STARD13: variants seen among roughly 807,000 people sequenced by gnomAD.
STARD13 encodes the protein StAR related lipid transfer domain containing 13.
Under a neutral mutation model 106.4 loss-of-function variants are expected in STARD13, and 62 were observed. The ratio of observed to expected loss-of-function variants is 0.58; its 90% confidence interval spans 0.48 to 0.72. The LOEUF is 0.72. STARD13 is among the 30% of genes least tolerant of loss of function. The probability of loss-of-function intolerance (pLI) is 0.00; values close to 1 mark genes in which losing one functional copy is unlikely to be tolerated. For synonymous variants in STARD13, 565 were observed against 553.0 expected (o/e 1.02, Z -0.31); for missense variants, 1,387 against 1,424.0 (o/e 0.97, Z 0.42).
At chr13:33,607,860 A>G in the STARD13 span, among the ~76,000 whole-genome samples, 2 of 152,220 alleles carry the variant, frequency 1.3e-5, no homozygotes, top group African/African-American at 4.8e-5. Flanking sequence ...GTTAATAATA[A>G]AATCTAAAAG....
the STARD13 span, among the ~76,000 whole-genome samples, chr13:33,537,208 G>A: frequency 6.6e-6 from 1 of 152,182 alleles, no homozygotes; most frequent in Non-Finnish European, 1.5e-5. Flanking sequence ...TTGGTTTTGC[G>A]TCCTAGTGCA....
At chr13:33,547,346 A>C in the STARD13 span, among the ~76,000 whole-genome samples, 2 of 152,312 alleles carry the variant, frequency 1.3e-5, no homozygotes, top group East Asian at 1.9e-4. Flanking sequence ...ACGTTTCCCC[A>C]ATGAACATTC....
chr13:33,549,818 T>C, the STARD13 span, among the ~76,000 whole-genome samples: 5 of 152,182 alleles, frequency 3.3e-5, no homozygotes, highest in African/African-American at 9.6e-5. Flanking sequence ...TATAGAAACC[T>C]TCAAAGTCAC....
At chr13:33,210,588 T>G (rs544800591) in intron 1 of STARD13, among the ~76,000 whole-genome samples, 1 of 152,184 alleles carries the variant, frequency 6.6e-6, no homozygotes, top group Admixed American at 6.5e-5. Context: ...ATTCCATAGT[T>G]AGAATGGAAT....
chr13:33,340,432 T>C (rs945219011), intron 1 of STARD13, among the ~76,000 whole-genome samples: 1 of 108,242 alleles, frequency 9.2e-6, no homozygotes, highest in Non-Finnish European at 1.8e-5. Flanking sequence ...AAAAACACTT[T>C]CAAAGATGCT....
chr13:33,526,610 G>T, the STARD13 span, among the ~76,000 whole-genome samples: 2 of 152,030 alleles, frequency 1.3e-5, no homozygotes, highest in Non-Finnish European at 2.9e-5. Context: ...TCAAAGCCAG[G>T]CTCTGACACT....
the STARD13 span, among the ~76,000 whole-genome samples, chr13:33,665,519 A>G: frequency 1.9e-3 from 292 of 152,322 alleles, 2 homozygotes; most frequent in African/African-American, 6.6e-3. Context: ...AAATGACAGC[A>G]ATATTTTCTT....
intron 1 of STARD13, among the ~76,000 whole-genome samples, chr13:33,343,593 A>AAAAG (rs1566150526): frequency 1.1e-5 from 1 of 93,772 alleles, no homozygotes; most frequent in African/African-American, 4.6e-5. Context: ...AAAAAAAAAA[A>AAAAG]AAAACAAATC....
Position 33,109,867 on chromosome 13 carries a change from G to C in STARD13, c.3047+6C>G. On this transcript the variant is annotated splice_donor_region_variant and intron_variant, in intron 12 of 13. Transcript: ENST00000336934. ...AGAACATCATAAACCCTAGAGTCAGGCTCACCTGAGAACCACAAAGTCTCT... is the reference window on the plus strand; with the variant it reads ...AGAACATCATAAACCCTAGAGTCAGCCTCACCTGAGAACCACAAAGTCTCT... The C allele has an allele frequency of 6.2e-7, 1 of 1,613,788 alleles. No individual in the cohort carries two copies. Among genetic ancestry groups the C allele is most frequent in the Non-Finnish European group, 8.5e-7 (1 of 1,179,670 alleles).
intron 1 of STARD13, among the ~76,000 whole-genome samples, chr13:33,203,699 A>T (rs1401567108): frequency 1.3e-5 from 2 of 152,272 alleles, no homozygotes; most frequent in Non-Finnish European, 2.9e-5. Context: ...AGAGAAAAAA[A>T]ATAGATGCAA....
At chr13:33,349,184 T>G in exon 2 of STARD13, 1 of 702,374 alleles carries the variant, frequency 1.4e-6, no homozygotes, top group Non-Finnish European at 2.6e-6. Flanking sequence ...TTCTGCCCCA[T>G]GTGGTGGTCA....
chr13:33,629,096 C>T, the STARD13 span, among the ~76,000 whole-genome samples: 3 of 152,318 alleles, frequency 2.0e-5, no homozygotes, highest in South Asian at 6.2e-4. Context: ...GACAGCTCTA[C>T]TTCTTGTATG....
intron 1 of STARD13, among the ~76,000 whole-genome samples, chr13:33,194,504 G>A (rs1200776429): frequency 6.6e-6 from 1 of 152,004 alleles, no homozygotes; most frequent in African/African-American, 2.4e-5. Context: ...AGGTTAATCA[G>A]CATTTGTTTT....
intron 3 of STARD13, among the ~76,000 whole-genome samples, chr13:33,145,284 CA>C (rs1278438320): frequency 6.6e-6 from 1 of 152,116 alleles, no homozygotes; most frequent in African/African-American, 2.4e-5. Flanking sequence ...GAAAGAAATG[CA>C]AATTAAAATC....
At chr13:33,297,072 A>G (rs2138449808) in intron 1 of STARD13, among the ~76,000 whole-genome samples, 1 of 152,286 alleles carries the variant, frequency 6.6e-6, no homozygotes, top group Middle Eastern at 3.4e-3. Flanking sequence ...TTCCCATTAG[A>G]GAATATGTGT....
the STARD13 span, among the ~76,000 whole-genome samples, chr13:33,587,461 C>A: frequency 6.6e-6 from 1 of 152,206 alleles, no homozygotes; most frequent in Non-Finnish European, 1.5e-5. Context: ...TCATCAAATT[C>A]CTTATAAACA....
At chr13:33,343,038 C>G (rs1435485608) in intron 1 of STARD13, among the ~76,000 whole-genome samples, 3 of 152,140 alleles carry the variant, frequency 2.0e-5, no homozygotes, top group Non-Finnish European at 2.9e-5. Context: ...ATCTCTGGCT[C>G]TGACTTTCCT....
At chr13:33,211,009 A>G (rs1887684998) in intron 1 of STARD13, among the ~76,000 whole-genome samples, 2 of 152,178 alleles carry the variant, frequency 1.3e-5, no homozygotes, top group Admixed American at 6.5e-5. Flanking sequence ...ACTCACTGGA[A>G]ATGTACCATA....
At chr13:33,298,153 A>G (rs1159132897) in intron 1 of STARD13, among the ~76,000 whole-genome samples, 12 of 108,704 alleles carry the variant, frequency 1.1e-4, no homozygotes, top group Non-Finnish European at 2.1e-4. Context: ...TTTTTGAGAT[A>G]GAGTCTCACT....
Sources: gnomAD v4.1 joint callset for allele counts (sites outside exome capture counted in the v4.1 genomes callset) on GRCh38, gnomAD v4.1.1 for gene constraint, MANE v1.5 for transcripts, NCBI Gene and HGNC (gene_info 2026-07-23, HGNC 2026-07-21) for gene names.